Variants in SNTB1 observed in about 807,000 individuals in gnomAD.
The protein encoded by SNTB1 is beta-1-syntrophin.
SNTB1 carries 36 observed loss-of-function variants against 48.9 expected under a neutral mutation model. That is an observed-to-expected ratio of 0.74 (90% confidence interval 0.56 to 0.97). The LOEUF is 0.97. Ranked by LOEUF, SNTB1 falls within the 50% of genes least tolerant of loss-of-function variation. The pLI is 0.00. For missense variants in SNTB1, 786 were observed against 703.4 expected (o/e 1.12, Z -1.33); for synonymous variants, 299 against 294.6 (o/e 1.01, Z -0.15).
intron 4 of SNTB1, among the ~76,000 whole-genome samples, chr8:120,561,722 T>C (rs150260452): frequency 6.6e-6 from 1 of 152,230 alleles, no homozygotes; most frequent in African/African-American, 2.4e-5. Context: ...CCTATTTTAA[T>C]GGAAAATTGA....
At chr8:120,598,613 T>C (rs1816366143) in intron 3 of SNTB1, among the ~76,000 whole-genome samples, 1 of 152,206 alleles carries the variant, frequency 6.6e-6, no homozygotes, top group Non-Finnish European at 1.5e-5. Context: ...ACCATGTTCA[T>C]TTCCTATGCC....
At chr8:120,612,847 T>C (rs1292323745) in intron 3 of SNTB1, among the ~76,000 whole-genome samples, 2 of 152,214 alleles carry the variant, frequency 1.3e-5, no homozygotes, top group Non-Finnish European at 2.9e-5. Flanking sequence ...AAGATCAAAT[T>C]AGGGTATTTA....
chr8:120,796,486 G>A (rs1820121960), intron 1 of SNTB1, among the ~76,000 whole-genome samples: 1 of 151,956 alleles, frequency 6.6e-6, no homozygotes, highest in East Asian at 1.9e-4. Context: ...TAGAAAGCCT[G>A]GAGAGGAGAG....
At chr8:120,631,825 C>T (rs1816985813) in intron 3 of SNTB1, among the ~76,000 whole-genome samples, 1 of 152,150 alleles carries the variant, frequency 6.6e-6, no homozygotes, top group South Asian at 2.1e-4. Context: ...GAGACAGAGG[C>T]TAAGTCTTTA....
intron 1 of SNTB1, among the ~76,000 whole-genome samples, chr8:120,704,040 C>T (rs77218833): frequency 2.0e-5 from 3 of 152,176 alleles, no homozygotes; most frequent in African/African-American, 7.2e-5. Context: ...GCCTCAACTT[C>T]CAATCACTTT....
chr8:120,712,994 T>C (rs1035540863), intron 1 of SNTB1, among the ~76,000 whole-genome samples: 8 of 152,126 alleles, frequency 5.3e-5, no homozygotes, highest in Admixed American at 4.6e-4. Context: ...CAGAGACCCA[T>C]CTCTATTCCC....
rs543473145 is a variant in SNTB1, at chr8:120,605,326, GGAGGTTTTA to G, written c.996+27109_996+27117del. ...CATAATTCACAGCTTGTCTCTGAAA[GGAGGTTTTA>G]CTTACTCCATTTCCTATGGAGACAT... is the stretch of plus-strand genomic sequence containing the variant. On this transcript the variant is annotated intron_variant, in intron 3 of 6. Transcript: ENST00000517992. 3.1e-3 allele frequency among the ~76,000 whole-genome samples: 475 copies of G among 152,312 alleles called. 4 individuals are homozygous for G. The highest frequency in any genetic ancestry group is 0.011 in the African/African-American group (458 of 41,572).
intron 2 of SNTB1, among the ~76,000 whole-genome samples, chr8:120,664,283 G>T (rs1232954051): frequency 6.6e-6 from 1 of 152,160 alleles, no homozygotes; most frequent in Admixed American, 6.5e-5. Flanking sequence ...GATGACCAAG[G>T]ACAGAAATGT....
intron 2 of SNTB1, among the ~76,000 whole-genome samples, chr8:120,650,012 C>T (rs997995994): frequency 5.3e-5 from 8 of 152,322 alleles, no homozygotes; most frequent in South Asian, 4.1e-4. Context: ...GGCAATGCCT[C>T]GCCCTGCTTC....
intron 1 of SNTB1, among the ~76,000 whole-genome samples, chr8:120,696,476 A>T (rs1029206828): frequency 6.6e-6 from 1 of 152,244 alleles, no homozygotes; most frequent in Non-Finnish European, 1.5e-5. Context: ...GTATTGAATC[A>T]GGTGCTTTAC....
At position 120,575,365 on chromosome 8, in the gene SNTB1, C is replaced by T. The variant is rs1241489014; in HGVS notation, c.997-140G>A. 3.3e-6 allele frequency: 3 copies of T among 917,752 alleles called. No individual in the cohort carries two copies. The South Asian group carries it at 4.9e-5, about 15-fold the overall frequency. The allele number at this position is 917,752 out of a possible 1,614,324, so 56.9% of individuals were successfully genotyped here. A position where few individuals can be genotyped will look rare whatever the true frequency, so the allele number is the denominator to read the frequency against. ...GTTGCAAAATCAAAATGGAAAGAAC[C>T]TTGTCTTTATCCCATGCTTCCTGAT... On this transcript the variant is annotated intron_variant, in intron 3 of 6. Coordinates refer to ENST00000517992, the MANE Select transcript of SNTB1 (RefSeq NM_021021.4).
intron 3 of SNTB1, among the ~76,000 whole-genome samples, chr8:120,579,417 C>T (rs533927111): frequency 1.3e-5 from 2 of 152,114 alleles, no homozygotes; most frequent in Admixed American, 1.3e-4. Context: ...TGGCTCATGC[C>T]TATACTCCCA....
chr8:120,587,544 G>A (rs566883014), intron 3 of SNTB1, among the ~76,000 whole-genome samples: 4 of 152,308 alleles, frequency 2.6e-5, no homozygotes, highest in African/African-American at 9.6e-5. Flanking sequence ...CCTGTGGAAT[G>A]ACTGGAGTAC....
At chr8:120,676,031 CTG>C (rs1817827739) in intron 2 of SNTB1, among the ~76,000 whole-genome samples, 1 of 152,210 alleles carries the variant, frequency 6.6e-6, no homozygotes, top group Non-Finnish European at 1.5e-5. Flanking sequence ...CTGAATCTGA[CTG>C]TGATAACACT....
rs1468966531 is a variant in SNTB1, at chr8:120,616,698, A to C, written c.996+15746T>G. Among the ~76,000 whole-genome samples, 3 of 152,216 alleles carry C rather than the reference A, an allele frequency of 2.0e-5. No individual in the cohort carries two copies. The East Asian group carries it at 5.8e-4, about 29-fold the overall frequency. The stretch of plus-strand genomic sequence containing the variant: ...TGTTTAAAATTACACAGCATGCAGC[A>C]CTTCCATTTGCATAAAGCCACTTAA... On this transcript the variant is annotated intron_variant, in intron 3 of 6. Coordinates refer to ENST00000517992, the MANE Select transcript of SNTB1 (RefSeq NM_021021.4).
chr8:120,594,643 G>A (rs1171698590), intron 3 of SNTB1, among the ~76,000 whole-genome samples: 2 of 152,152 alleles, frequency 1.3e-5, no homozygotes, highest in Non-Finnish European at 2.9e-5. Context: ...CAAAGTACTG[G>A]GATTACAGGT....
At chr8:120,586,986 C>T (rs908117934) in intron 3 of SNTB1, among the ~76,000 whole-genome samples, 2 of 152,106 alleles carry the variant, frequency 1.3e-5, no homozygotes, top group Non-Finnish European at 2.9e-5. Context: ...TTTGGGAGGC[C>T]GAGGCGGGTG....
intron 2 of SNTB1, among the ~76,000 whole-genome samples, chr8:120,690,362 T>C (rs186215039): frequency 6.6e-6 from 1 of 152,286 alleles, no homozygotes; most frequent in East Asian, 1.9e-4. Flanking sequence ...TGCCCTTACT[T>C]GGATGGAAAG....
chr8:120,777,484 C>A (rs970317421), intron 1 of SNTB1, among the ~76,000 whole-genome samples: 1 of 152,166 alleles, frequency 6.6e-6, no homozygotes, highest in African/African-American at 2.4e-5. Context: ...CATCTCAAAA[C>A]GATAGGCCCC....
Sources: allele counts gnomAD v4.1 joint callset (sites outside exome capture counted in the v4.1 genomes callset), GRCh38; gene constraint gnomAD v4.1.1; transcripts MANE v1.5; gene names NCBI Gene and HGNC (gene_info 2026-07-23, HGNC 2026-07-21).